Variants in QTMAN observed in about 807,000 individuals in gnomAD.
QTMAN encodes queuosine-tRNA mannosyltransferase.
the QTMAN span, among the ~76,000 whole-genome samples, chr2:144,190,669 T>C: frequency 6.6e-6 from 1 of 152,130 alleles, no homozygotes; most frequent in Non-Finnish European, 1.5e-5. Context: ...TTCGGTAAAA[T>C]CGATATCATT....
the QTMAN span, among the ~76,000 whole-genome samples, chr2:144,258,206 T>C: frequency 1.4e-5 from 2 of 143,900 alleles, no homozygotes; most frequent in African/African-American, 5.3e-5. Flanking sequence ...AGTTAATACA[T>C]ACTTAACATT....
the QTMAN span, chr2:143,970,608 T>G: frequency 1.0e-6 from 1 of 953,954 alleles, no homozygotes; most frequent in Non-Finnish European, 1.7e-6. Flanking sequence ...TTGTAGAGCT[T>G]ATGTCATCTA....
At chr2:144,185,469 C>T in the QTMAN span, among the ~76,000 whole-genome samples, 1 of 152,282 alleles carries the variant, frequency 6.6e-6, no homozygotes, top group East Asian at 1.9e-4. Flanking sequence ...TTGGACGCAC[C>T]AGCTGGAAAG....
the QTMAN span, among the ~76,000 whole-genome samples, chr2:143,999,229 C>A: frequency 6.6e-6 from 1 of 152,022 alleles, no homozygotes; most frequent in African/African-American, 2.4e-5. Flanking sequence ...ATGTGGTACA[C>A]TGCACCGCAC....
chr2:144,046,971 A>G, the QTMAN span, among the ~76,000 whole-genome samples: 1 of 152,166 alleles, frequency 6.6e-6, no homozygotes, highest in African/African-American at 2.4e-5. Context: ...CTGTCACCCT[A>G]TATAGATTAA....
chr2:144,282,102 G>T, the QTMAN span, among the ~76,000 whole-genome samples: 1 of 152,088 alleles, frequency 6.6e-6, no homozygotes, highest in African/African-American at 2.4e-5. Context: ...AGCACGGAAG[G>T]ACCCTGCACC....
chr2:144,288,101 C>A, the QTMAN span, among the ~76,000 whole-genome samples: 1 of 151,980 alleles, frequency 6.6e-6, no homozygotes, highest in Non-Finnish European at 1.5e-5. Flanking sequence ...GATCTCTTGA[C>A]CTCATCATCT....
chr2:144,076,659 G>A, the QTMAN span, among the ~76,000 whole-genome samples: 1 of 152,024 alleles, frequency 6.6e-6, no homozygotes. Flanking sequence ...TTACTTTGGG[G>A]AAAAAAGTGT....
At chr2:144,301,621 C>T in the QTMAN span, among the ~76,000 whole-genome samples, 2 of 152,194 alleles carry the variant, frequency 1.3e-5, no homozygotes, top group African/African-American at 4.8e-5. Context: ...CCTGAATTCA[C>T]AGAAGAAACT....
At chr2:143,951,877 T>A in the QTMAN span, 2 of 628,968 alleles carry the variant, frequency 3.2e-6, no homozygotes, top group South Asian at 4.1e-5. Context: ...CTCCCTAGCA[T>A]GTTTCCTTTA....
At chr2:144,283,628 A>G in the QTMAN span, among the ~76,000 whole-genome samples, 1 of 152,212 alleles carries the variant, frequency 6.6e-6, no homozygotes, top group Non-Finnish European at 1.5e-5. Context: ...TGCCAGTGAG[A>G]AGAATTTCAT....
chr2:143,967,088 C>G, the QTMAN span, among the ~76,000 whole-genome samples: 1 of 152,180 alleles, frequency 6.6e-6, no homozygotes, highest in Non-Finnish European at 1.5e-5. Context: ...ATCAAAGTGA[C>G]TTAAGCTTTC....
At chr2:144,242,786 A>C in the QTMAN span, among the ~76,000 whole-genome samples, 2 of 151,532 alleles carry the variant, frequency 1.3e-5, no homozygotes, top group African/African-American at 2.4e-5. Context: ...AGATGGCAAA[A>C]CCCCGTCTCT....
chr2:144,072,995 C>T, the QTMAN span, among the ~76,000 whole-genome samples: 1 of 152,046 alleles, frequency 6.6e-6, no homozygotes, highest in South Asian at 2.1e-4. Flanking sequence ...TCTACCTTTG[C>T]TTAGACTCAA....
chr2:144,116,222 C>A, the QTMAN span, among the ~76,000 whole-genome samples: 1 of 141,570 alleles, frequency 7.1e-6, no homozygotes, highest in Non-Finnish European at 1.5e-5. Context: ...TATTAGTCAA[C>A]CTTAACCCAG....
the QTMAN span, among the ~76,000 whole-genome samples, chr2:144,287,832 A>T: frequency 1.3e-5 from 2 of 152,212 alleles, no homozygotes; most frequent in Non-Finnish European, 2.9e-5. Flanking sequence ...TTGACAACAC[A>T]ATTTATTTAT....
chr2:143,942,781 C>T, the QTMAN span: 1 of 167,016 alleles, frequency 6.0e-6, no homozygotes, highest in African/African-American at 2.4e-5. Flanking sequence ...AAAGTCTTCT[C>T]AAGCAACATT....
the QTMAN span, among the ~76,000 whole-genome samples, chr2:143,975,426 C>T: frequency 5.3e-5 from 8 of 152,108 alleles, no homozygotes; most frequent in African/African-American, 1.9e-4. Flanking sequence ...TATAGTGTTC[C>T]CAGGAGCATG....
At chr2:144,332,086 G>A in the QTMAN span, among the ~76,000 whole-genome samples, 1 of 152,200 alleles carries the variant, frequency 6.6e-6, no homozygotes, top group Non-Finnish European at 1.5e-5. Context: ...GAAGCGGAGC[G>A]CCGGGCCGCA....
Sources: allele counts gnomAD v4.1 joint callset (sites outside exome capture counted in the v4.1 genomes callset), GRCh38; gene constraint gnomAD v4.1.1; transcripts MANE v1.5; gene names NCBI Gene and HGNC (gene_info 2026-07-23, HGNC 2026-07-21).